FOXJ3: variants seen among roughly 807,000 people sequenced by gnomAD.
FOXJ3 encodes forkhead box protein J3.
In FOXJ3, 22 loss-of-function variants were observed where a neutral mutation model predicts 76.1. The observed-to-expected ratio is 0.29, with a 90% CI of 0.21 to 0.41. The LOEUF (loss-of-function observed/expected upper bound fraction) is 0.41. Ranked by LOEUF, FOXJ3 falls within the 10% of genes least tolerant of loss-of-function variation. The pLI, the probability that FOXJ3 is intolerant of heterozygous loss-of-function variation, is 1.00. For missense variants in FOXJ3, 613 were observed against 762.1 expected (o/e 0.80, Z 2.30); for synonymous variants, 269 against 261.2 (o/e 1.03, Z -0.29).
intron 5 of FOXJ3, among the ~76,000 whole-genome samples, chr1:42,214,624 G>A (rs1647029698): frequency 6.6e-6 from 1 of 152,156 alleles, no homozygotes. Flanking sequence ...AATACAATAG[G>A]CAGGTTGGGA....
intron 6 of FOXJ3, among the ~76,000 whole-genome samples, chr1:42,203,501 A>G (rs1646801544): frequency 6.6e-6 from 1 of 152,202 alleles, no homozygotes; most frequent in African/African-American, 2.4e-5. Flanking sequence ...TACTCTCAGA[A>G]CAAAATTTTT....
chr1:42,255,361 A>G (rs1469567774), intron 4 of FOXJ3, among the ~76,000 whole-genome samples: 1 of 152,212 alleles, frequency 6.6e-6, no homozygotes, highest in Non-Finnish European at 1.5e-5. Context: ...GACTACTAAA[A>G]AACTAAAAGA....
intron 1 of FOXJ3, among the ~76,000 whole-genome samples, chr1:42,328,283 C>G (rs2124792686): frequency 6.6e-6 from 1 of 152,256 alleles, no homozygotes; most frequent in East Asian, 1.9e-4. Context: ...GGTGACACAG[C>G]AAGATCTTGT....
intron 4 of FOXJ3, among the ~76,000 whole-genome samples, chr1:42,248,778 G>A (rs12134666): frequency 1.6e-5 from 2 of 124,964 alleles, no homozygotes; most frequent in South Asian, 2.7e-4. Flanking sequence ...TACAAGTGCA[G>A]AACGTGCAGG....
At chr1:42,310,816 C>T (rs946704133) in intron 2 of FOXJ3, among the ~76,000 whole-genome samples, 1 of 152,126 alleles carries the variant, frequency 6.6e-6, no homozygotes, top group Admixed American at 6.5e-5. Context: ...CAAATTACCA[C>T]CACACTATAC....
intron 4 of FOXJ3, among the ~76,000 whole-genome samples, chr1:42,249,781 T>C (rs1046304180): frequency 6.6e-6 from 1 of 152,128 alleles, no homozygotes; most frequent in Non-Finnish European, 1.5e-5. Flanking sequence ...AACAGATCAA[T>C]ACATAGACAG....
At chr1:42,245,131 G>T (rs1237245793) in intron 4 of FOXJ3, among the ~76,000 whole-genome samples, 1 of 140,020 alleles carries the variant, frequency 7.1e-6, no homozygotes, top group Non-Finnish European at 1.5e-5. Context: ...AGTGAGCCAA[G>T]ATTGCACTAC....
At chr1:42,264,196 T>G (rs1007374621) in intron 4 of FOXJ3, among the ~76,000 whole-genome samples, 2 of 152,054 alleles carry the variant, frequency 1.3e-5, no homozygotes, top group African/African-American at 4.8e-5. Context: ...CAAGGAAATT[T>G]GTACAGAAGA....
intron 2 of FOXJ3, among the ~76,000 whole-genome samples, chr1:42,292,966 T>C (rs759602511): frequency 5.7e-4 from 86 of 152,132 alleles, no homozygotes; most frequent in Non-Finnish European, 1.1e-3. Context: ...CCAGGTGTGG[T>C]GGTGGGCACC....
rs531319565 is a variant in FOXJ3 at position 42,316,895 on chromosome 1, G to A, written c.-17-5785C>T. Among the ~76,000 whole-genome samples, 5 of 152,238 alleles carry A rather than the reference G, an allele frequency of 3.3e-5. No homozygotes were observed. In the South Asian group the frequency reaches 1.0e-3, roughly 32 times the overall value. The stretch of plus-strand genomic sequence containing the variant: ...GGGAAAGGGTGGGAGTGGGGTGAAG[G>A]ATAAAAGACTACACATTGGGTACAG... On this transcript the variant is annotated intron_variant, in intron 1 of 12. Transcript: ENST00000361346.
chr1:42,248,826 T>C (rs1046551529), intron 4 of FOXJ3, among the ~76,000 whole-genome samples: 2 of 148,858 alleles, frequency 1.3e-5, no homozygotes, highest in African/African-American at 4.9e-5. Flanking sequence ...GGTGGTTTAC[T>C]GCACCTAACA....
intron 3 of FOXJ3, among the ~76,000 whole-genome samples, chr1:42,268,679 G>A (rs994941159): frequency 1.3e-5 from 2 of 152,120 alleles, no homozygotes; most frequent in African/African-American, 2.4e-5. Context: ...CTGGAAAGAC[G>A]TGGTTTATAA....
intron 5 of FOXJ3, among the ~76,000 whole-genome samples, chr1:42,218,397 T>C (rs1191239725): frequency 2.0e-5 from 3 of 152,214 alleles, no homozygotes; most frequent in African/African-American, 7.2e-5. Flanking sequence ...CTTCAGGTGA[T>C]TGTAAACAAC....
At chr1:42,304,666 A>C (rs1305865739) in intron 2 of FOXJ3, among the ~76,000 whole-genome samples, 8 of 152,152 alleles carry the variant, frequency 5.3e-5, no homozygotes, top group African/African-American at 1.9e-4. Context: ...CTCTTCAACA[A>C]GGTGCTGGGA....
At position 42,183,072 on chromosome 1, in the gene FOXJ3, C is replaced by G. The variant is rs1031709350; in HGVS notation, c.1646-1048G>C. On this transcript the variant is annotated intron_variant, in intron 11 of 12. Transcript: ENST00000361346. ...GGCAGATCACCTGAGGTCACGAGTT[C>G]AAGATCAGACTGGCCAACACGGCAA... Among the ~76,000 whole-genome samples the G allele has an allele frequency of 7.3e-5, 11 of 149,774 alleles. 1 individual carries two copies. In the East Asian group the frequency reaches 1.8e-3, roughly 25 times the overall value.
At chr1:42,211,171 T>C (rs537666126) in intron 5 of FOXJ3, among the ~76,000 whole-genome samples, 32 of 152,226 alleles carry the variant, frequency 2.1e-4, no homozygotes, top group Non-Finnish European at 3.7e-4. Context: ...TGCCCATCAT[T>C]GTAGACACAG....
chr1:42,298,754 C>T (rs1453382389), intron 2 of FOXJ3, among the ~76,000 whole-genome samples: 3 of 152,072 alleles, frequency 2.0e-5, no homozygotes, highest in Non-Finnish European at 4.4e-5. Flanking sequence ...TTGAGATCTT[C>T]CTATCTTTTT....
rs1458367471 is a variant in FOXJ3 at position 42,298,299 on chromosome 1, G to A, written c.44+12751C>T. On this transcript the variant is annotated intron_variant, in intron 2 of 12. Coordinates refer to ENST00000361346, the MANE Select transcript of FOXJ3 (RefSeq NM_014947.5). ...CAGGTAGTTCTTTATATCAGCATGA[G>A]AACAGACTAATACAGAAGTTTTCCT... 4.6e-5 allele frequency among the ~76,000 whole-genome samples: 7 copies of A among 152,270 alleles called. No individual in the cohort carries two copies. In the East Asian group the frequency reaches 1.4e-3, roughly 29 times the overall value.
At chr1:42,257,077 C>T (rs1650652476) in intron 4 of FOXJ3, among the ~76,000 whole-genome samples, 1 of 152,104 alleles carries the variant, frequency 6.6e-6, no homozygotes, top group African/African-American at 2.4e-5. Context: ...TTTTGAGGAT[C>T]AAGATAATGC....
Sources: gnomAD v4.1 joint callset for allele counts (sites outside exome capture counted in the v4.1 genomes callset) on GRCh38, gnomAD v4.1.1 for gene constraint, MANE v1.5 for transcripts, NCBI Gene and HGNC (gene_info 2026-07-23, HGNC 2026-07-21) for gene names.